NYAP2: variants seen among roughly 807,000 people sequenced by gnomAD.
The protein encoded by NYAP2 is neuronal tyrosine-phosphorylated phosphoinositide-3-kinase adapter 2.
A neutral mutation model predicts 50.4 loss-of-function variants in NYAP2; 23 were observed. That is an observed-to-expected ratio of 0.46 (90% confidence interval 0.33 to 0.65). The LOEUF (loss-of-function observed/expected upper bound fraction) is 0.65. Among genes scored for constraint, NYAP2 ranks in the 30% least tolerant of loss-of-function variants. The probability of loss-of-function intolerance (pLI) is 0.02; values close to 1 mark genes in which losing one functional copy is unlikely to be tolerated. For synonymous variants in NYAP2, 394 were observed against 365.2 expected (o/e 1.08, Z -0.90); for missense variants, 885 against 861.0 (o/e 1.03, Z -0.35).
At chr2:225,404,973 C>T (rs1049549068) in intron 2 of NYAP2, among the ~76,000 whole-genome samples, 1 of 151,962 alleles carries the variant, frequency 6.6e-6, no homozygotes, top group Non-Finnish European at 1.5e-5. Flanking sequence ...CCACAAATTT[C>T]AAGGAATGCA....
At chr2:225,660,859 G>C in the NYAP2 span, among the ~76,000 whole-genome samples, 7 of 152,082 alleles carry the variant, frequency 4.6e-5, no homozygotes, top group African/African-American at 1.7e-4. Flanking sequence ...CTTTTAAATA[G>C]TATGCCTTTA....
chr2:225,402,497 G>A (rs1032368399), intron 2 of NYAP2, among the ~76,000 whole-genome samples: 2 of 151,944 alleles, frequency 1.3e-5, no homozygotes, highest in Non-Finnish European at 2.9e-5. Flanking sequence ...TAATGGAAAT[G>A]TACAATCTCT....
intron 4 of NYAP2, among the ~76,000 whole-genome samples, chr2:225,548,943 A>T (rs1326847066): frequency 6.6e-6 from 1 of 150,408 alleles, no homozygotes; most frequent in Non-Finnish European, 1.5e-5. Context: ...GTGCAATGGC[A>T]TGATCTCAGC....
the NYAP2 span, among the ~76,000 whole-genome samples, chr2:225,694,839 A>G: frequency 6.6e-6 from 1 of 151,812 alleles, no homozygotes; most frequent in Non-Finnish European, 1.5e-5. Context: ...GCCATCTTTC[A>G]TGTATTGGGC....
the NYAP2 span, chr2:225,702,664 T>G: frequency 4.0e-5 from 6 of 151,840 alleles, no homozygotes; most frequent in South Asian, 1.2e-3. Flanking sequence ...TTTTGCCATG[T>G]TGGACTTGAA....
At chr2:225,692,247 C>A in the NYAP2 span, among the ~76,000 whole-genome samples, 1 of 151,996 alleles carries the variant, frequency 6.6e-6, no homozygotes, top group Non-Finnish European at 1.5e-5. Context: ...ATGAAATACT[C>A]CAAGTGCTTA....
chr2:225,664,405 T>TAAC, the NYAP2 span, among the ~76,000 whole-genome samples: 1 of 152,180 alleles, frequency 6.6e-6, no homozygotes, highest in Non-Finnish European at 1.5e-5. Flanking sequence ...AAATAATTGC[T>TAAC]AACAGTGGAA....
intron 6 of NYAP2, among the ~76,000 whole-genome samples, chr2:225,635,477 T>C (rs1201497578): frequency 6.6e-6 from 1 of 152,192 alleles, no homozygotes; most frequent in Non-Finnish European, 1.5e-5. Context: ...TTATAACAGC[T>C]AGTAGACAAA....
the NYAP2 span, among the ~76,000 whole-genome samples, chr2:225,680,536 C>A: frequency 6.6e-6 from 1 of 151,872 alleles, no homozygotes; most frequent in Non-Finnish European, 1.5e-5. Context: ...GATAAGAAAA[C>A]CTTGTAAAGA....
chr2:225,492,991 C>CTT (rs113469511), intron 3 of NYAP2, among the ~76,000 whole-genome samples: 5 of 144,376 alleles, frequency 3.5e-5, no homozygotes, highest in African/African-American at 7.6e-5. Context: ...TTTATAGCAA[C>CTT]TTTTTTTTTT....
chr2:225,480,792 TTTTC>T (rs1391431326), intron 3 of NYAP2, among the ~76,000 whole-genome samples: 1 of 152,102 alleles, frequency 6.6e-6, no homozygotes, highest in Non-Finnish European at 1.5e-5. Context: ...GACAATTTGG[TTTTC>T]TTTCTTATAT....
chr2:225,432,039 G>A (rs759715728), intron 3 of NYAP2, among the ~76,000 whole-genome samples: 2 of 151,864 alleles, frequency 1.3e-5, no homozygotes, highest in African/African-American at 2.4e-5. Context: ...GCACGCTCTC[G>A]GCTCACTGCA....
At chr2:225,441,720 C>T (rs1001813484) in intron 3 of NYAP2, among the ~76,000 whole-genome samples, 7 of 152,158 alleles carry the variant, frequency 4.6e-5, no homozygotes, top group South Asian at 2.1e-4. Context: ...ACTGCCTCCA[C>T]GATCCAATCA....
intron 4 of NYAP2, among the ~76,000 whole-genome samples, chr2:225,543,619 G>C (rs1364731535): frequency 1.3e-5 from 2 of 151,954 alleles, no homozygotes; most frequent in Non-Finnish European, 2.9e-5. Flanking sequence ...ATTGTGGTCA[G>C]AGAAAATGCT....
At chr2:225,635,384 G>A (rs1000640638) in intron 6 of NYAP2, among the ~76,000 whole-genome samples, 24 of 152,056 alleles carry the variant, frequency 1.6e-4, no homozygotes, top group African/African-American at 5.6e-4. Context: ...TATCTTTACA[G>A]GAGAGATCAA....
chr2:225,429,595 A>G (rs1316150464), intron 3 of NYAP2, among the ~76,000 whole-genome samples: 1 of 152,222 alleles, frequency 6.6e-6, no homozygotes, highest in Non-Finnish European at 1.5e-5. Context: ...AGAGAAAACA[A>G]TAAAACTGAG....
chr2:225,404,681 A>AT (rs1322689469), intron 2 of NYAP2, among the ~76,000 whole-genome samples: 1 of 152,034 alleles, frequency 6.6e-6, no homozygotes, highest in Non-Finnish European at 1.5e-5. Flanking sequence ...TGTGGTCAAC[A>AT]TGATGTAAAT....
intron 3 of NYAP2, among the ~76,000 whole-genome samples, chr2:225,465,042 G>T (rs1210521734): frequency 6.6e-6 from 1 of 152,056 alleles, no homozygotes; most frequent in Non-Finnish European, 1.5e-5. Flanking sequence ...ACAAACTTAG[G>T]AATCTAATAC....
intron 6 of NYAP2, among the ~76,000 whole-genome samples, chr2:225,632,185 C>T (rs968521437): frequency 6.6e-6 from 1 of 152,166 alleles, no homozygotes; most frequent in African/African-American, 2.4e-5. Flanking sequence ...CAAGTAGGTA[C>T]ATCAAGAGGG....
Sources: allele counts gnomAD v4.1 joint callset (sites outside exome capture counted in the v4.1 genomes callset), GRCh38; gene constraint gnomAD v4.1.1; transcripts MANE v1.5; gene names NCBI Gene and HGNC (gene_info 2026-07-23, HGNC 2026-07-21).